RORA: variants seen among roughly 807,000 people sequenced by gnomAD.
RORA encodes the protein RAR related orphan receptor A.
A neutral mutation model predicts 69.5 loss-of-function variants in RORA; 7 were observed. The observed-to-expected ratio is 0.10, with a 90% CI of 0.06 to 0.19. The LOEUF is 0.19. Ranked by LOEUF, RORA falls within the 10% of genes least tolerant of loss-of-function variation. The probability of loss-of-function intolerance (pLI) is 1.00; values close to 1 mark genes in which losing one functional copy is unlikely to be tolerated. For missense variants in RORA, 457 were observed against 663.0 expected, an observed-to-expected ratio of 0.69 and a Z score of 3.41; for synonymous variants, 261 against 240.8, an observed-to-expected ratio of 1.08 and a Z score of -0.78.
intron 3 of RORA, among the ~76,000 whole-genome samples, chr15:60,526,462 G>A (rs2066359895): frequency 6.6e-6 from 1 of 152,134 alleles, no homozygotes; most frequent in African/African-American, 2.4e-5. Context: ...GCAGTTACTG[G>A]GACATGATTA....
chr15:60,597,184 T>C (rs377757104), intron 2 of RORA, among the ~76,000 whole-genome samples: 2 of 152,106 alleles, frequency 1.3e-5, no homozygotes, highest in East Asian at 3.9e-4. Flanking sequence ...TGTAATGGGA[T>C]GTTGGAGGTG....
chr15:61,169,236 T>C (rs2079564525), intron 1 of RORA, among the ~76,000 whole-genome samples: 1 of 151,660 alleles, frequency 6.6e-6, no homozygotes. Context: ...CTTGCCATTC[T>C]GGGCCTTGCA....
intron 1 of RORA, among the ~76,000 whole-genome samples, chr15:60,738,071 T>G (rs964732191): frequency 1.3e-5 from 2 of 152,202 alleles, no homozygotes; most frequent in Non-Finnish European, 2.9e-5. Flanking sequence ...GGGAGCTGAA[T>G]GAGGGAGTCC....
In RORA at chr15:61,137,097, A is replaced by AAGAAAGAAAGAGAGAG. The variant is rs1555414105; in HGVS notation, c.166+91955_166+91956insCTCTCTCTTTCTTTCT. Among the ~76,000 whole-genome samples, 22 of 150,014 alleles carry AAGAAAGAAAGAGAGAG rather than the reference A, an allele frequency of 1.5e-4. 2 individuals carry two copies. The highest frequency in any genetic ancestry group is 5.5e-4 in the African/African-American group (22 of 39,922). ...AAAGAAAGAAAGAAAGAAAGAAAGA[A>AAGAAAGAAAGAGAGAG]AGAAAAAAGCAAGGGTGTCCAGGGT... On this transcript the variant is annotated intron_variant, in intron 1 of 10. Transcript: ENST00000335670.
intron 1 of RORA, among the ~76,000 whole-genome samples, chr15:61,134,877 T>C (rs2079222131): frequency 6.6e-6 from 1 of 152,070 alleles, no homozygotes; most frequent in Non-Finnish European, 1.5e-5. Context: ...TACTACCGCC[T>C]ATAGAATCAT....
At chr15:60,739,464 G>A (rs1595674302) in intron 1 of RORA, among the ~76,000 whole-genome samples, 1 of 151,978 alleles carries the variant, frequency 6.6e-6, no homozygotes, top group Non-Finnish European at 1.5e-5. Flanking sequence ...CCTGCTACTC[G>A]AGGGGCTGAG....
intron 1 of RORA, among the ~76,000 whole-genome samples, chr15:61,008,771 C>T (rs1410317050): frequency 6.6e-6 from 1 of 152,110 alleles, no homozygotes; most frequent in Non-Finnish European, 1.5e-5. Context: ...AGAAAAGCTG[C>T]ATACATATAC....
At chr15:60,519,566 A>G (rs1480838347) in intron 3 of RORA, among the ~76,000 whole-genome samples, 2 of 152,208 alleles carry the variant, frequency 1.3e-5, no homozygotes, top group Admixed American at 6.5e-5. Flanking sequence ...TAGGCAGTGT[A>G]AAAAACAAGT....
At chr15:60,561,526 A>T (rs187827711) in intron 2 of RORA, among the ~76,000 whole-genome samples, 2 of 152,336 alleles carry the variant, frequency 1.3e-5, no homozygotes, top group East Asian at 3.9e-4. Context: ...CGTGTTGTAG[A>T]TCCAGGAACA....
chr15:61,217,616 T>C (rs909652458), intron 1 of RORA, among the ~76,000 whole-genome samples: 4 of 152,136 alleles, frequency 2.6e-5, no homozygotes, highest in African/African-American at 9.7e-5. Context: ...ACCACTCAAA[T>C]ATAAGATCCA....
At chr15:60,734,448 T>G (rs1247260749) in intron 1 of RORA, among the ~76,000 whole-genome samples, 5 of 152,226 alleles carry the variant, frequency 3.3e-5, no homozygotes, top group Non-Finnish European at 7.4e-5. Context: ...AACACAGGAA[T>G]GATTATTTTA....
At chr15:60,887,383 CG>C (rs1357262688) in intron 1 of RORA, among the ~76,000 whole-genome samples, 2 of 152,008 alleles carry the variant, frequency 1.3e-5, no homozygotes, top group African/African-American at 4.8e-5. Context: ...GGAAGCTAAA[CG>C]GGGTTTTTAC....
chr15:61,209,268 C>A (rs1323533416), intron 1 of RORA, among the ~76,000 whole-genome samples: 6 of 145,320 alleles, frequency 4.1e-5, no homozygotes, highest in African/African-American at 2.6e-5. Flanking sequence ...TGTTGAATTA[C>A]AAAAAAAAAA....
chr15:60,731,209 G>T (rs562358769), intron 1 of RORA, among the ~76,000 whole-genome samples: 97 of 152,236 alleles, frequency 6.4e-4, no homozygotes, highest in African/African-American at 2.3e-3. Context: ...CATTTAAGCA[G>T]GTGTGTCTAG....
At position 60,698,630 on chromosome 15, in the gene RORA, G is replaced by GTTT. The variant is rs34961839; in HGVS notation, c.167-19947_167-19945dup. Reference sequence around the variant, plus strand: ...TACATAGATTTCTTTTGGCATTTGTGTTTTTTTTTTTTTTTTTGGAAGTAC... The same window carrying GTTT: ...TACATAGATTTCTTTTGGCATTTGTGTTTTTTTTTTTTTTTTTTTTGGAAGTAC... On this transcript the variant is annotated intron_variant, in intron 1 of 10. Coordinates refer to ENST00000335670, the MANE Select transcript of RORA (RefSeq NM_134261.3). Among the ~76,000 whole-genome samples, 5 of 112,672 alleles carry GTTT rather than the reference G, an allele frequency of 4.4e-5. No homozygotes were observed. In the East Asian group the frequency reaches 6.9e-4, roughly 16 times the overall value. The allele number at this position is 112,672 out of a possible 152,430, so 73.9% of individuals were successfully genotyped here. A position where few individuals can be genotyped will look rare whatever the true frequency, so the allele number is the denominator to read the frequency against.
chr15:60,972,630 C>T (rs1297704376), intron 1 of RORA, among the ~76,000 whole-genome samples: 2 of 152,088 alleles, frequency 1.3e-5, no homozygotes, highest in East Asian at 3.9e-4. Flanking sequence ...AAAAAAATGC[C>T]TCGTGGTGTT....
intron 1 of RORA, among the ~76,000 whole-genome samples, chr15:60,991,002 C>G (rs1286428917): frequency 6.6e-6 from 1 of 152,180 alleles, no homozygotes; most frequent in Non-Finnish European, 1.5e-5. Context: ...AAGCAAACAA[C>G]TGTTTTTCAA....
At chr15:60,512,390 G>C (rs192915178) in intron 4 of RORA, among the ~76,000 whole-genome samples, 5 of 152,126 alleles carry the variant, frequency 3.3e-5, no homozygotes, top group Admixed American at 6.5e-5. Flanking sequence ...AGGTTTGAGC[G>C]ATCCTCCCGC....
At chr15:60,658,621 T>C (rs1378054900) in intron 2 of RORA, among the ~76,000 whole-genome samples, 2 of 152,216 alleles carry the variant, frequency 1.3e-5, no homozygotes, top group Non-Finnish European at 1.5e-5. Context: ...AGGGTTGCTA[T>C]TTGTAAAACT....
Sources: allele counts gnomAD v4.1 joint callset (sites outside exome capture counted in the v4.1 genomes callset), GRCh38; gene constraint gnomAD v4.1.1; transcripts MANE v1.5; gene names NCBI Gene and HGNC (gene_info 2026-07-23, HGNC 2026-07-21).